Variants in CEP63 observed in about 807,000 individuals in gnomAD.
CEP63 encodes centrosomal protein 63.
CEP63 carries 84 observed loss-of-function variants against 89.1 expected under a neutral mutation model. The observed-to-expected ratio is 0.94, with a 90% CI of 0.79 to 1.13. The LOEUF is 1.13. Among genes scored for constraint, CEP63 ranks in the 50% most tolerant of loss-of-function variants. The pLI is 0.00. For synonymous variants in CEP63, 267 were observed against 272.5 expected, an observed-to-expected ratio of 0.98 and a Z score of 0.20; for missense variants, 838 against 813.3, an observed-to-expected ratio of 1.03 and a Z score of -0.37.
At chr3:134,685,798 G>A in the CEP63 span, among the ~76,000 whole-genome samples, 5 of 152,154 alleles carry the variant, frequency 3.3e-5, no homozygotes, top group South Asian at 2.1e-4. Flanking sequence ...AGGTGATGTC[G>A]TGTACACAAA....
At chr3:134,488,939 C>T (rs376690417) in intron 1 of CEP63, among the ~76,000 whole-genome samples, 1 of 151,850 alleles carries the variant, frequency 6.6e-6, no homozygotes, top group Non-Finnish European at 1.5e-5. Context: ...GGGTGGATCA[C>T]GAGGTCAGGA....
the CEP63 span, among the ~76,000 whole-genome samples, chr3:134,763,230 C>T: frequency 6.6e-6 from 1 of 152,132 alleles, no homozygotes; most frequent in African/African-American, 2.4e-5. Context: ...TCCCTCCCCG[C>T]TCCCTCCACC....
intron 12 of CEP63, among the ~76,000 whole-genome samples, chr3:134,555,117 G>A (rs1365059150): frequency 0.029 from 4,384 of 149,930 alleles, 177 homozygotes; most frequent in African/African-American, 0.092. Context: ...TTGATGGGAC[G>A]TATTTCAAAA....
At chr3:134,549,957 A>G in intron 10 of CEP63, 106 bp from the exon 11 acceptor site, 1 of 835,646 alleles carries the variant, frequency 1.2e-6, no homozygotes, top group South Asian at 1.6e-5. Flanking sequence ...AGAGAAATTT[A>G]ATGTCTTGAG....
At chr3:134,506,140 G>A (rs946005405) in intron 2 of CEP63, among the ~76,000 whole-genome samples, 1 of 152,168 alleles carries the variant, frequency 6.6e-6, no homozygotes, top group Non-Finnish European at 1.5e-5. Context: ...ACTGAGAGCT[G>A]TCTTGTGGCC....
the CEP63 span, chr3:134,607,360 C>A: frequency 1.0e-6 from 1 of 985,548 alleles, no homozygotes; most frequent in Non-Finnish European, 1.2e-6. Flanking sequence ...GACACCTGTG[C>A]TCCCCGCTGC....
the CEP63 span, chr3:134,604,055 T>A: frequency 6.2e-7 from 1 of 1,613,934 alleles, no homozygotes; most frequent in African/African-American, 1.3e-5. Flanking sequence ...GTCTCCTCAG[T>A]GATGGGGCCA....
the CEP63 span, among the ~76,000 whole-genome samples, chr3:134,671,798 G>A: frequency 5.9e-5 from 9 of 152,152 alleles, no homozygotes; most frequent in Non-Finnish European, 1.0e-4. Context: ...AAAAGGGTTT[G>A]AGCCCTTGCC....
At chr3:134,616,756 G>A in the CEP63 span, among the ~76,000 whole-genome samples, 1 of 152,208 alleles carries the variant, frequency 6.6e-6, no homozygotes, top group Non-Finnish European at 1.5e-5. Flanking sequence ...TCAATTTTCT[G>A]AATCTATGTA....
rs777975963 is a variant in CEP63 at position 134,561,340 on chromosome 3, A to G, written c.1954-37A>G. The G allele has an allele frequency of 6.5e-6, 10 of 1,538,844 alleles. No homozygotes were observed. In the East Asian group the frequency reaches 2.0e-4, roughly 31 times the overall value. ...GTGTATCTTAGAAATATAATATTCTACTTATTTACACATGTCAAAATTTGT... is the reference window on the plus strand; with the variant it reads ...GTGTATCTTAGAAATATAATATTCTGCTTATTTACACATGTCAAAATTTGT... On this transcript the variant is annotated intron_variant, in intron 14 of 14. Coordinates refer to ENST00000675561, the MANE Select transcript of CEP63 (RefSeq NM_001353108.3).
chr3:134,705,771 G>A, the CEP63 span, among the ~76,000 whole-genome samples: 3,824 of 152,258 alleles, frequency 0.025, 122 homozygotes, highest in African/African-American at 0.082. Context: ...CATTTGGTTC[G>A]CTCTCATTGT....
intron 14 of CEP63, among the ~76,000 whole-genome samples, chr3:134,561,093 T>C (rs1189313174): frequency 6.6e-6 from 1 of 152,216 alleles, no homozygotes; most frequent in Admixed American, 6.5e-5. Flanking sequence ...TATGGAAGCA[T>C]ATATAAGTCT....
chr3:134,700,779 A>T, the CEP63 span, among the ~76,000 whole-genome samples: 93 of 151,378 alleles, frequency 6.1e-4, no homozygotes, highest in African/African-American at 9.5e-4. Flanking sequence ...TCTTCACCCC[A>T]CTCCCCTGTT....
At chr3:134,552,959 A>G (rs1198335350) in intron 12 of CEP63, 1 of 152,158 alleles carries the variant, frequency 6.6e-6, no homozygotes, top group East Asian at 1.9e-4. Flanking sequence ...GAAACCAGAG[A>G]GAACATGATT....
the CEP63 span, among the ~76,000 whole-genome samples, chr3:134,686,267 T>C: frequency 2.6e-5 from 4 of 152,240 alleles, no homozygotes; most frequent in African/African-American, 9.6e-5. Context: ...ATGGTCTCCC[T>C]GAAGACTTGT....
chr3:134,527,254 T>C (rs1948846260), intron 3 of CEP63, among the ~76,000 whole-genome samples: 2 of 152,208 alleles, frequency 1.3e-5, no homozygotes, highest in South Asian at 4.1e-4. Flanking sequence ...CTGTGCACAG[T>C]GGCACTGGTG....
rs1350710038 is a variant in CEP63 at position 134,565,007 on chromosome 3, A to T, written c.*3472A>T. 1 of 957,582 alleles carries T rather than the reference A, an allele frequency of 1.0e-6. No homozygotes were observed. The highest frequency in any genetic ancestry group is 1.8e-5 in the African/African-American group (1 of 56,606). The allele number at this position is 957,582 out of a possible 1,614,324, so 59.3% of individuals were successfully genotyped here. On this transcript the variant is annotated 3_prime_UTR_variant, in exon 15 of 15. Coordinates refer to ENST00000675561, the MANE Select transcript of CEP63 (RefSeq NM_001353108.3). ...TTTTCAAAAAGATATATTAATACCA[A>T]ATATTAAAATGTGTCAAGACTAAAT... is the stretch of plus-strand genomic sequence containing the variant.
intron 10 of CEP63, among the ~76,000 whole-genome samples, chr3:134,584,578 C>A (rs1958437318): frequency 6.6e-6 from 1 of 152,080 alleles, no homozygotes; most frequent in Non-Finnish European, 1.5e-5. Flanking sequence ...ATTCGGTTTG[C>A]CAGTATTTTA....
chr3:134,647,620 G>A, the CEP63 span: 140 of 605,870 alleles, frequency 2.3e-4, no homozygotes, highest in Middle Eastern at 1.3e-3. Context: ...TCTGAGAGAG[G>A]CTACCCATGA....
Sources: allele counts gnomAD v4.1 joint callset (sites outside exome capture counted in the v4.1 genomes callset), GRCh38; gene constraint gnomAD v4.1.1; transcripts MANE v1.5; gene names NCBI Gene and HGNC (gene_info 2026-07-23, HGNC 2026-07-21).